HUWE1: variants seen among roughly 807,000 people sequenced by gnomAD.
HUWE1 encodes E3 ubiquitin-protein ligase HUWE1.
HUWE1 carries 18 observed loss-of-function variants against 299.4 expected under a neutral mutation model. The ratio of observed to expected loss-of-function variants is 0.06; its 90% CI spans 0.04 to 0.09. HUWE1 has a LOEUF of 0.09. HUWE1 is among the 10% of genes least tolerant of loss of function. The pLI is 1.00. For missense variants in HUWE1, 1,832 were observed against 3,462.3 expected (o/e 0.53, Z 11.82); for synonymous variants, 1,317 against 1,286.1 (o/e 1.02, Z -0.51).
chrX:53,659,813 T>C (rs1313157703), intron 3 of HUWE1, among the ~76,000 whole-genome samples: 2 of 111,771 alleles, frequency 1.8e-5, no homozygotes, highest in Admixed American at 1.9e-4. Context: ...GAAATTTCTG[T>C]ACCTTCTGCT....
intron 40 of HUWE1, 59 bp from the exon 41 acceptor site, chrX:53,584,404 G>T (rs2063762446): frequency 4.2e-6 from 4 of 949,967 alleles, no homozygotes; most frequent in Non-Finnish European, 6.0e-6. Context: ...TAAAGGTGGG[G>T]GAGGGGAGGG....
chrX:53,650,368 T>A (rs971213349), intron 4 of HUWE1, among the ~76,000 whole-genome samples: 3 of 111,981 alleles, frequency 2.7e-5, no homozygotes, highest in Non-Finnish European at 1.9e-5. Flanking sequence ...GAAACTTTCC[T>A]AATGTGAAAA....
At position 53,588,410 on chromosome X, in the gene HUWE1, C is replaced by G; in HGVS notation, c.4586G>C (p.Arg1529Thr). 8.3e-7 allele frequency: 1 copy of G among 1,210,192 alleles called. No individual in the cohort carries two copies. Among genetic ancestry groups the G allele is most frequent in the African/African-American group, 1.7e-5 (1 of 57,701 alleles). The change falls in exon 37 of 84, where the codon AGA (arginine) becomes ACA (threonine). Residue 1529 changes from arginine (R) to threonine (T), a missense_variant. Transcript: ENST00000262854. ...TLPQASNLATRILLLTLLFEE... is the reference protein window; with the variant it reads ...TLPQASNLATTILLLTLLFEE... ...AAAAAGTAGCGTTAAAAGCAAGATT[C>G]TAGTAGCCAAATTGGAGGCCTGGGG... is the stretch of plus-strand genomic sequence containing the variant.
intron 3 of HUWE1, among the ~76,000 whole-genome samples, chrX:53,664,864 C>G (rs2069172860): frequency 9.0e-6 from 1 of 110,989 alleles, no homozygotes; most frequent in African/African-American, 3.3e-5. Context: ...AAAGGGGACA[C>G]CACATAATTG....
intron 43 of HUWE1, among the ~76,000 whole-genome samples, chrX:53,579,357 C>T (rs2063482877): frequency 9.5e-6 from 1 of 105,503 alleles, no homozygotes; most frequent in South Asian, 4.4e-4. Context: ...CCAGCCGCCC[C>T]ATCCGGGAGG....
intron 29 of HUWE1, among the ~76,000 whole-genome samples, chrX:53,599,210 G>C (rs782239693): frequency 3.6e-5 from 4 of 112,501 alleles, no homozygotes; most frequent in Non-Finnish European, 7.5e-5. Context: ...AGCAAGGAGA[G>C]AGAAATATGA....
At chrX:53,593,636 A>G in intron 31 of HUWE1, 35 bp from the exon 32 acceptor site, 1 of 1,084,902 alleles carries the variant, frequency 9.2e-7, no homozygotes, top group Non-Finnish European at 1.3e-6. Flanking sequence ...ACAGAATATT[A>G]GTATTTTACC....
At chrX:53,534,762 C>G (rs2060927561) in intron 81 of HUWE1, 65 bp from the exon 82 acceptor site, 9 of 1,007,881 alleles carry the variant, frequency 8.9e-6, no homozygotes, top group South Asian at 4.1e-5. Flanking sequence ...TCAGAGATCC[C>G]CCATCTGGCT....
chrX:53,586,500 T>C lies in HUWE1; in HGVS notation c.4814A>G (p.Gln1605Arg), dbSNP rs1556973421. Residue 1605 changes from glutamine (Q) to arginine (R), a missense_variant, in exon 39 of 84, where the codon CAG becomes CGG. By Grantham distance (43) the Gln-to-Arg change is conservative. Transcript: ENST00000262854. Reference sequence around the variant, plus strand: ...TACTACATTACACACCTTAGTCATCTGGGCTCTCCTTTTTGAGGAGATGGC... The same window carrying C: ...TACTACATTACACACCTTAGTCATCCGGGCTCTCCTTTTTGAGGAGATGGC... ...KTAISSKRRA[Q>R]MTKYLQSNSN... is the part of the protein sequence containing the mutation. The C allele has an allele frequency of 1.7e-6, 2 of 1,199,750 alleles. No homozygotes were observed. Among genetic ancestry groups the C allele is most frequent in the South Asian group, 3.6e-5 (2 of 56,315 alleles).
intron 3 of HUWE1, among the ~76,000 whole-genome samples, chrX:53,659,604 T>C (rs2068903855): frequency 8.9e-6 from 1 of 112,014 alleles, no homozygotes; most frequent in African/African-American, 3.2e-5. Flanking sequence ...CTCTGTATGA[T>C]ACTACAATGG....
At chrX:53,541,815 A>G (rs1342062688) in intron 74 of HUWE1, among the ~76,000 whole-genome samples, 1 of 111,771 alleles carries the variant, frequency 8.9e-6, no homozygotes, top group Admixed American at 9.5e-5. Flanking sequence ...GCAGTGAGCT[A>G]TGACTATGTT....
At chrX:53,591,207 A>AT in intron 33 of HUWE1, 85 bp from the exon 34 acceptor site, 1 of 1,086,366 alleles carries the variant, frequency 9.2e-7, no homozygotes, top group Admixed American at 2.5e-5. Context: ...CAAGATGGAA[A>AT]TAACTTTTTC....
At chrX:53,606,247 T>C (rs2148687418) in intron 25 of HUWE1, among the ~76,000 whole-genome samples, 1 of 112,122 alleles carries the variant, frequency 8.9e-6, no homozygotes, top group East Asian at 2.8e-4. Context: ...TGTACAAGAA[T>C]ACACAACTCT....
intron 42 of HUWE1, among the ~76,000 whole-genome samples, chrX:53,582,007 T>C (rs1189730033): frequency 8.9e-6 from 1 of 111,818 alleles, no homozygotes; most frequent in Non-Finnish European, 1.9e-5. Flanking sequence ...TACACCAATT[T>C]CCACTCCTAC....
intron 47 of HUWE1, among the ~76,000 whole-genome samples, chrX:53,572,533 A>G (rs2062882253): frequency 1.8e-5 from 2 of 112,098 alleles, no homozygotes; most frequent in South Asian, 7.4e-4. Flanking sequence ...CCATAAAATT[A>G]CAATGTGATC....
chrX:53,569,538 G>A, intron 48 of HUWE1, 78 bp downstream of exon 48: 1 of 988,255 alleles, frequency 1.0e-6, no homozygotes, highest in East Asian at 3.0e-5. Flanking sequence ...TTGTTCAAGT[G>A]CAAAACCACC....
chrX:53,601,181 A>G (rs1359278206), intron 28 of HUWE1, among the ~76,000 whole-genome samples: 1 of 107,923 alleles, frequency 9.3e-6, no homozygotes, highest in Admixed American at 9.9e-5. Context: ...TTTAAGCCTG[A>G]TACCTTTTTT....
chrX:53,667,033 C>A, intron 3 of HUWE1, among the ~76,000 whole-genome samples: 1 of 111,267 alleles, frequency 9.0e-6, no homozygotes, highest in Non-Finnish European at 1.9e-5. Context: ...GATGAATACT[C>A]AGATAGCCAG....
At chrX:53,627,938 T>C in intron 15 of HUWE1, 59 bp from the exon 16 acceptor site, 9 of 1,064,607 alleles carry the variant, frequency 8.5e-6, no homozygotes, top group Non-Finnish European at 1.2e-5. Context: ...GTTGTAAAAA[T>C]TGCATGCTTT....
Sources: gnomAD v4.1 joint callset for allele counts (sites outside exome capture counted in the v4.1 genomes callset) on GRCh38, gnomAD v4.1.1 for gene constraint, MANE v1.5 for transcripts, NCBI Gene and HGNC (gene_info 2026-07-23, HGNC 2026-07-21) for gene names.